RASGEF1C: variants seen among roughly 807,000 people sequenced by gnomAD.
RASGEF1C encodes the protein RasGEF domain family member 1C.
A neutral mutation model predicts 58.1 loss-of-function variants in RASGEF1C; 27 were observed. The observed-to-expected ratio is 0.46, with a 90% CI of 0.34 to 0.64. The LOEUF is 0.64. Ranked by LOEUF, RASGEF1C falls within the 30% of genes least tolerant of loss-of-function variation. The probability of loss-of-function intolerance (pLI) is 0.01; values close to 1 mark genes in which losing one functional copy is unlikely to be tolerated. For synonymous variants in RASGEF1C, 243 were observed against 246.3 expected (o/e 0.99, Z 0.13); for missense variants, 502 against 605.1 (o/e 0.83, Z 1.79).
chr5:180,152,620 G>C (rs1002627581), intron 1 of RASGEF1C, among the ~76,000 whole-genome samples: 2 of 148,798 alleles, frequency 1.3e-5, no homozygotes, highest in African/African-American at 5.0e-5. Context: ...GTTAAATGAC[G>C]AGTTAATGGG....
intron 1 of RASGEF1C, among the ~76,000 whole-genome samples, chr5:180,174,643 CAT>C (rs1767193203): frequency 1.3e-5 from 2 of 151,608 alleles, no homozygotes; most frequent in Admixed American, 6.6e-5. Context: ...TGTGTGCGTG[CAT>C]GTGTGTGTGG....
chr5:180,106,414 G>A (rs1345235246), intron 12 of RASGEF1C, among the ~76,000 whole-genome samples: 1 of 152,072 alleles, frequency 6.6e-6, no homozygotes, highest in Non-Finnish European at 1.5e-5. Flanking sequence ...TCTAATGTAT[G>A]CATTTGGTGC....
chr5:180,202,382 A>C (rs1756409465), intron 1 of RASGEF1C, among the ~76,000 whole-genome samples: 3 of 152,220 alleles, frequency 2.0e-5, no homozygotes, highest in Admixed American at 2.0e-4. Context: ...AAGAAGACTT[A>C]AATATGCATA....
chr5:180,192,772 T>C (rs559128785), intron 1 of RASGEF1C, among the ~76,000 whole-genome samples: 10 of 151,476 alleles, frequency 6.6e-5, no homozygotes, highest in African/African-American at 2.2e-4. Context: ...TGAGATGGAG[T>C]CTGGCTCTGT....
intron 1 of RASGEF1C, among the ~76,000 whole-genome samples, chr5:180,161,571 A>G (rs1205815852): frequency 6.6e-6 from 1 of 152,210 alleles, no homozygotes; most frequent in Non-Finnish European, 1.5e-5. Flanking sequence ...GGGAGGGCAG[A>G]TGTCTGCACT....
At chr5:180,176,762 T>A (rs963229406) in intron 1 of RASGEF1C, among the ~76,000 whole-genome samples, 4 of 152,128 alleles carry the variant, frequency 2.6e-5, no homozygotes, top group Admixed American at 1.3e-4. Context: ...TTCACCATGT[T>A]GGCCAGGATG....
rs536548128 is a variant in RASGEF1C, at chr5:180,197,983, G to T, written c.-7+11045C>A. ...TAGGATGCTGGTGTGGGTCCGGAAGGCATTGAACTGGCAACAGCGGTGCCT... is the reference window on the plus strand; with the variant it reads ...TAGGATGCTGGTGTGGGTCCGGAAGTCATTGAACTGGCAACAGCGGTGCCT... On this transcript the variant is annotated intron_variant, in intron 1 of 13. Coordinates refer to ENST00000361132, the MANE Select transcript of RASGEF1C (RefSeq NM_175062.4). The surrounding 1 kb of genome is among the most constrained non-coding windows in gnomAD (Gnocchi z 4.7). Among the ~76,000 whole-genome samples the T allele has an allele frequency of 1.1e-4, 16 of 152,196 alleles. No individual in the cohort carries two copies. The highest frequency in any genetic ancestry group is 2.2e-4 in the Non-Finnish European group (15 of 68,036).
chr5:180,149,970 C>A (rs1766721467), intron 1 of RASGEF1C, among the ~76,000 whole-genome samples: 1 of 152,060 alleles, frequency 6.6e-6, no homozygotes, highest in Admixed American at 6.6e-5. Flanking sequence ...TCTCTCTATA[C>A]CTTTCTCTCC....
intron 1 of RASGEF1C, among the ~76,000 whole-genome samples, chr5:180,165,683 A>T (rs72821983): frequency 0.013 from 1,897 of 146,056 alleles, 35 homozygotes; most frequent in African/African-American, 0.04. Context: ...AAAAAAAAAA[A>T]ATTCTTGTTC....
chr5:180,161,672 G>A (rs1011157605), intron 1 of RASGEF1C, among the ~76,000 whole-genome samples: 36 of 152,246 alleles, frequency 2.4e-4, no homozygotes, highest in African/African-American at 2.7e-4. Context: ...CCCCAGCCCC[G>A]CGGCTCCTGG....
At chr5:180,116,512 A>G (rs1198409533) in intron 10 of RASGEF1C, among the ~76,000 whole-genome samples, 1 of 152,142 alleles carries the variant, frequency 6.6e-6, no homozygotes, top group African/African-American at 2.4e-5. Context: ...GCCTAGCCCA[A>G]GACCCGCCTC....
At chr5:180,200,629 A>T (rs953673634) in intron 1 of RASGEF1C, among the ~76,000 whole-genome samples, 1 of 152,022 alleles carries the variant, frequency 6.6e-6, no homozygotes, top group African/African-American at 2.4e-5. Context: ...ACCATTCTTT[A>T]TGGAGCTTTT....
At chr5:180,131,915 T>G (rs578197994) in intron 4 of RASGEF1C, among the ~76,000 whole-genome samples, 1 of 152,242 alleles carries the variant, frequency 6.6e-6, no homozygotes, top group African/African-American at 2.4e-5. Flanking sequence ...CCAGTGATGT[T>G]AGGTTCTAGC....
chr5:180,163,391 G>C (rs1002616834), intron 1 of RASGEF1C, among the ~76,000 whole-genome samples: 2 of 151,852 alleles, frequency 1.3e-5, no homozygotes, highest in Non-Finnish European at 2.9e-5. Flanking sequence ...TAGGTTTTGT[G>C]AAAATGCCCT....
rs1171103433 is a variant in RASGEF1C at position 180,168,011 on chromosome 5, C to T, written c.-6-29953G>A. ...CTAGCGGCCAGTCTGAGACCTGGGCCGTGTTTTATTTTGTACTATAGTTGT... is the reference window on the plus strand; with the variant it reads ...CTAGCGGCCAGTCTGAGACCTGGGCTGTGTTTTATTTTGTACTATAGTTGT... On this transcript the variant is annotated intron_variant, in intron 1 of 13. Coordinates refer to ENST00000361132, the MANE Select transcript of RASGEF1C (RefSeq NM_175062.4). This position sits in a 1 kb window ranked among gnomAD's most constrained non-coding sequence, Gnocchi z 6.0. 6.6e-6 allele frequency among the ~76,000 whole-genome samples: 1 copy of T among 152,046 alleles called. No individual in the cohort carries two copies. The highest frequency in any genetic ancestry group is 1.9e-4 in the East Asian group (1 of 5,196).
rs1766113980 is a variant in RASGEF1C at position 180,118,686 on chromosome 5, C to T, written c.1006G>A (p.Gly336Arg). 6.2e-7 allele frequency: 1 copy of T among 1,614,072 alleles called. No individual in the cohort carries two copies. Among genetic ancestry groups the T allele is most frequent in the Non-Finnish European group, 8.5e-7 (1 of 1,180,026 alleles). Residue 336 changes from glycine to arginine, a missense_variant, in exon 10 of 14, where the codon GGG becomes AGG. By Grantham distance (125) the Gly-to-Arg change is moderately radical. Transcript: ENST00000361132. ...FILEHQMDPT[G>R]NFCNYRTALR... ...GCTGTCCTGTAGTTGCAGAAATTCC[C>T]CGTTGGGTCCATCTGGTGCTGGAAG... is the stretch of plus-strand genomic sequence containing the variant.
intron 1 of RASGEF1C, chr5:180,138,314 C>A: frequency 2.7e-6 from 1 of 365,284 alleles, no homozygotes; most frequent in East Asian, 4.1e-5. Context: ...CCTCTTGCCC[C>A]ACTCAGGGGC....
At chr5:180,182,046 A>AC (rs1210845059) in intron 1 of RASGEF1C, among the ~76,000 whole-genome samples, 1 of 151,350 alleles carries the variant, frequency 6.6e-6, no homozygotes, top group African/African-American at 2.4e-5. Context: ...TACTAAAAAT[A>AC]CAAAAAAAAT....
chr5:180,142,992 G>A (rs748968420), intron 1 of RASGEF1C, among the ~76,000 whole-genome samples: 4 of 152,090 alleles, frequency 2.6e-5, no homozygotes, highest in East Asian at 1.9e-4. Flanking sequence ...CTTCTGCCTC[G>A]GTTTCCCTCT....
Sources: gnomAD v4.1 joint callset for allele counts (sites outside exome capture counted in the v4.1 genomes callset) on GRCh38, gnomAD v4.1.1 for gene constraint, Gnocchi (gnomAD v3.1) non-coding constraint, MANE v1.5 for transcripts, NCBI Gene and HGNC (gene_info 2026-07-23, HGNC 2026-07-21) for gene names.